SGPL1: variants seen among roughly 807,000 people sequenced by gnomAD.
SGPL1 encodes SP-lyase 1.
Under a neutral mutation model 68.9 loss-of-function variants are expected in SGPL1, and 37 were observed. The ratio of observed to expected loss-of-function variants is 0.54; its 90% CI spans 0.41 to 0.71. The LOEUF (loss-of-function observed/expected upper bound fraction) is 0.71, where lower values mean the gene tolerates loss of function less well. Among genes scored for constraint, SGPL1 ranks in the 30% least tolerant of loss-of-function variants. The probability of loss-of-function intolerance (pLI) is 0.00; values close to 1 mark genes in which losing one functional copy is unlikely to be tolerated. For synonymous variants in SGPL1, 236 were observed against 248.5 expected (o/e 0.95, Z 0.47); for missense variants, 551 against 704.6 (o/e 0.78, Z 2.47).
At chr10:70,845,660 C>T (rs1845781554) in intron 3 of SGPL1, among the ~76,000 whole-genome samples, 1 of 152,026 alleles carries the variant, frequency 6.6e-6, no homozygotes, top group East Asian at 1.9e-4. Context: ...TGTGTGTTAC[C>T]TTCTTATGAG....
At chr10:70,831,683 G>T (rs1279245438) in intron 2 of SGPL1, among the ~76,000 whole-genome samples, 3 of 152,152 alleles carry the variant, frequency 2.0e-5, no homozygotes, top group African/African-American at 7.2e-5. Context: ...CTATCCAGAG[G>T]CTCTCTGAAC....
At chr10:70,857,506 AT>A in intron 5 of SGPL1, 107 bp from the exon 6 acceptor site, 5 of 841,962 alleles carry the variant, frequency 5.9e-6, no homozygotes, top group Non-Finnish European at 5.9e-6. Context: ...TCCACTCAAC[AT>A]TTTTTTCTTT....
At chr10:70,867,963 C>A (rs1418028597) in intron 7 of SGPL1, among the ~76,000 whole-genome samples, 2 of 152,220 alleles carry the variant, frequency 1.3e-5, no homozygotes, top group African/African-American at 4.8e-5. Context: ...CACAATTTCA[C>A]ATTCTTTAAC....
In SGPL1 at chr10:70,855,189, C is replaced by T. The variant is rs187352770; in HGVS notation, c.409+334C>T. ...GATCCATGTAAAAATGTGAAATCTG[C>T]ATAAAGGCACAAAAGAAAATAAGTC... is the stretch of plus-strand genomic sequence containing the variant. On this transcript the variant is annotated intron_variant, in intron 5 of 14. Transcript: ENST00000373202. Among the ~76,000 whole-genome samples, 6 of 152,268 alleles carry T rather than the reference C, an allele frequency of 3.9e-5. No homozygotes were observed. The East Asian group carries it at 1.2e-3, about 29-fold the overall frequency.
intron 12 of SGPL1, among the ~76,000 whole-genome samples, chr10:70,874,894 G>A (rs542777781): frequency 8.5e-5 from 13 of 152,254 alleles, no homozygotes; most frequent in Non-Finnish European, 1.8e-4. Context: ...GACAGAGCAA[G>A]ACCCTGTCTC....
In SGPL1 at chr10:70,863,305, T is replaced by G; in HGVS notation, c.615+3806T>G. ...CTTGGCCGTCTTTTTTTTTTTTTTTTTTTTTTAATCTGCTTGGTTGTTTTT... is the reference window on the plus strand; with the variant it reads ...CTTGGCCGTCTTTTTTTTTTTTTTTGTTTTTTAATCTGCTTGGTTGTTTTT... On this transcript the variant is annotated intron_variant, in intron 7 of 14. Transcript: ENST00000373202. Among the ~76,000 whole-genome samples, 2 of 151,438 alleles carry G rather than the reference T, an allele frequency of 1.3e-5. 1 individual carries two copies. The highest frequency in any genetic ancestry group is 2.9e-5 in the Non-Finnish European group (2 of 67,876).
chr10:70,860,792 A>G lies in SGPL1; in HGVS notation c.615+1293A>G, dbSNP rs114456602. Reference sequence around the variant, plus strand: ...CACATATATATCAGGATATATGGACATTAATATTCATAGCAATGTTATTCA... The same window carrying G: ...CACATATATATCAGGATATATGGACGTTAATATTCATAGCAATGTTATTCA... On this transcript the variant is annotated intron_variant, in intron 7 of 14. Transcript: ENST00000373202. 8.9e-3 allele frequency among the ~76,000 whole-genome samples: 1,349 copies of G among 152,306 alleles called. 32 individuals are homozygous for G. Among genetic ancestry groups the G allele is most frequent in the African/African-American group, 0.031 (1,281 of 41,554 alleles).
At chr10:70,819,627 CTTTT>C (rs35734922) in intron 2 of SGPL1, among the ~76,000 whole-genome samples, 2 of 120,918 alleles carry the variant, frequency 1.7e-5, no homozygotes, top group Non-Finnish European at 1.7e-5. Context: ...TGGGATGCAG[CTTTT>C]TTTTTTTTTT....
chr10:70,844,213 TTAACCCTC>T (rs1431770011), intron 2 of SGPL1, among the ~76,000 whole-genome samples: 1 of 152,180 alleles, frequency 6.6e-6, no homozygotes, highest in Non-Finnish European at 1.5e-5. Flanking sequence ...ACGATCTAGC[TTAACCCTC>T]TTACTGTATA....
intron 3 of SGPL1, among the ~76,000 whole-genome samples, chr10:70,848,766 G>A (rs985053906): frequency 3.3e-5 from 5 of 152,044 alleles, no homozygotes; most frequent in African/African-American, 4.8e-5. Context: ...CTGGCCTCAT[G>A]TACCTTTTTT....
At chr10:70,869,727 C>T in intron 8 of SGPL1, 65 bp from the exon 9 acceptor site, 1 of 1,178,086 alleles carries the variant, frequency 8.5e-7, no homozygotes, top group Non-Finnish European at 1.2e-6. Context: ...TTTAGATTAG[C>T]TGCTAATGGT....
chr10:70,865,571 C>A (rs1846170983), intron 7 of SGPL1, among the ~76,000 whole-genome samples: 2 of 152,238 alleles, frequency 1.3e-5, no homozygotes, highest in South Asian at 4.1e-4. Context: ...TTACTTCTCT[C>A]TCTGGATGAG....
At chr10:70,847,516 A>G (rs1194303134) in intron 3 of SGPL1, among the ~76,000 whole-genome samples, 1 of 152,190 alleles carries the variant, frequency 6.6e-6, no homozygotes, top group Non-Finnish European at 1.5e-5. Context: ...GTTGGACAAT[A>G]TGGGTATATA....
At chr10:70,843,046 C>T (rs561361413) in intron 2 of SGPL1, among the ~76,000 whole-genome samples, 135 of 152,322 alleles carry the variant, frequency 8.9e-4, no homozygotes, top group African/African-American at 3.2e-3. Context: ...AGCTACTATC[C>T]TCTCTTTCTG....
chr10:70,850,876 T>C (rs1845868178), intron 3 of SGPL1, among the ~76,000 whole-genome samples: 1 of 130,580 alleles, frequency 7.7e-6, no homozygotes, highest in Admixed American at 7.9e-5. Context: ...GGGGGTAGCA[T>C]GAGGGTTGGG....
At position 70,844,431 on chromosome 10, in the gene SGPL1, C is replaced by G. The variant is rs751802494; in HGVS notation, c.28-42C>G. 5.1e-6 allele frequency: 8 copies of G among 1,565,402 alleles called. No homozygotes were observed. In the East Asian group the frequency reaches 6.8e-5, roughly 13 times the overall value. ...CAAACTAAGAACAGACTTCTTTTCT[C>G]TCTCTAAATGTAATGTTTTTATTTT... On this transcript the variant is annotated intron_variant, in intron 2 of 14. Transcript: ENST00000373202.
Position 70,875,413 on chromosome 10 carries a change from T to C in SGPL1, c.1310T>C (p.Ile437Thr). ...ARFLKSELEN[I>T]KGIFVFGNPQ... is the part of the protein sequence containing the mutation. ...TTTTTTGTTTTAAGACTGGAAAATA[T>C]CAAAGGCATCTTTGTTTTTGGGAAT... is the stretch of plus-strand genomic sequence containing the variant. Residue 437 changes from isoleucine to threonine, a missense_variant, in exon 13 of 15, where the codon ATC becomes ACC. Coordinates refer to ENST00000373202, the MANE Select transcript of SGPL1 (RefSeq NM_003901.4). 6.2e-7 allele frequency: 1 copy of C among 1,609,914 alleles called. No homozygotes were observed. The highest frequency in any genetic ancestry group is 8.5e-7 in the Non-Finnish European group (1 of 1,176,678).
intron 2 of SGPL1, among the ~76,000 whole-genome samples, chr10:70,824,402 G>T (rs1295839537): frequency 6.6e-6 from 1 of 152,156 alleles, no homozygotes; most frequent in Non-Finnish European, 1.5e-5. Flanking sequence ...TAAATATTTG[G>T]CAACCAAGTG....
chr10:70,850,180 A>G (rs1430070539), intron 3 of SGPL1, among the ~76,000 whole-genome samples: 1 of 152,054 alleles, frequency 6.6e-6, no homozygotes, highest in African/African-American at 2.4e-5. Flanking sequence ...GATTTTTCAA[A>G]CTTTTTTTTC....
Sources: allele counts gnomAD v4.1 joint callset (sites outside exome capture counted in the v4.1 genomes callset), GRCh38; gene constraint gnomAD v4.1.1; transcripts MANE v1.5; gene names NCBI Gene and HGNC (gene_info 2026-07-23, HGNC 2026-07-21).